The following HDAC9 variants were observed in gnomAD, a reference collection of about 807,000 sequenced individuals.
HDAC9 encodes the protein MEF-2 interacting transcription repressor (MITR) protein.
In HDAC9, 41 loss-of-function variants were observed where a neutral mutation model predicts 139.4. That is an observed-to-expected ratio of 0.29 (90% confidence interval 0.23 to 0.38). The LOEUF (loss-of-function observed/expected upper bound fraction) is 0.38. HDAC9 is among the 10% of genes least tolerant of loss of function. The probability of loss-of-function intolerance (pLI) is 1.00; values close to 1 mark genes in which losing one functional copy is unlikely to be tolerated. For missense variants in HDAC9, 1,147 were observed against 1,297.0 expected, an observed-to-expected ratio of 0.88 and a Z score of 1.78; for synonymous variants, 517 against 476.2, an observed-to-expected ratio of 1.09 and a Z score of -1.12.
At chr7:18,490,323 T>C (rs1796270965) in intron 1 of HDAC9, among the ~76,000 whole-genome samples, 1 of 152,020 alleles carries the variant, frequency 6.6e-6, no homozygotes, top group Admixed American at 6.6e-5. Context: ...GTGATTTTGA[T>C]CCTCTGTAAT....
chr7:18,298,738 T>C (rs538019448), intron 1 of HDAC9, among the ~76,000 whole-genome samples: 2 of 152,322 alleles, frequency 1.3e-5, no homozygotes, highest in Non-Finnish European at 2.9e-5. Flanking sequence ...TGTTGCTACA[T>C]AGGACACTCT....
chr7:18,973,602 A>G (rs1309710188), intron 24 of HDAC9, among the ~76,000 whole-genome samples: 1 of 152,152 alleles, frequency 6.6e-6, no homozygotes, highest in Non-Finnish European at 1.5e-5. Context: ...AGTAAGATAA[A>G]GAAAGGCCAA....
intron 1 of HDAC9, among the ~76,000 whole-genome samples, chr7:18,119,626 A>G (rs1784235082): frequency 6.6e-6 from 1 of 152,202 alleles, no homozygotes; most frequent in Non-Finnish European, 1.5e-5. Flanking sequence ...ATGGGAAAAC[A>G]CACTTGGATA....
chr7:18,528,974 G>A (rs559899150), intron 2 of HDAC9, among the ~76,000 whole-genome samples: 14 of 152,072 alleles, frequency 9.2e-5, no homozygotes, highest in Non-Finnish European at 1.3e-4. Context: ...TGGGGTATTT[G>A]TATTACATTT....
At position 18,776,544 on chromosome 7, in the gene HDAC9, G is replaced by A. The variant is rs147862031; in HGVS notation, c.2214+9389G>A. Among the ~76,000 whole-genome samples the A allele has an allele frequency of 4.2e-3, 646 of 152,188 alleles. 3 individuals are homozygous for A. The highest frequency in any genetic ancestry group is 0.014 in the Middle Eastern group (4 of 294). On this transcript the variant is annotated intron_variant, in intron 16 of 25. Transcript: ENST00000686413. ...TTATCCTACTGGAACTTATATTCCA[G>A]TTGAGGAGACAAATAAGCAAGAATG...
At chr7:18,673,821 T>G (rs1212663181) in intron 12 of HDAC9, among the ~76,000 whole-genome samples, 1 of 152,036 alleles carries the variant, frequency 6.6e-6, no homozygotes, top group Non-Finnish European at 1.5e-5. Context: ...GCATAAAATG[T>G]TAGTGTTAGC....
chr7:18,102,015 A>G (rs959471715), intron 1 of HDAC9, among the ~76,000 whole-genome samples: 3 of 152,164 alleles, frequency 2.0e-5, no homozygotes, highest in Non-Finnish European at 2.9e-5. Flanking sequence ...TAGTTCATGG[A>G]TAGGCCTTGA....
chr7:18,749,221 A>C, intron 14 of HDAC9, 83 bp downstream of exon 14: 2 of 1,399,740 alleles, frequency 1.4e-6, no homozygotes, highest in Non-Finnish European at 2.0e-6. Context: ...AGTAATAGAA[A>C]AATATTAACC....
chr7:18,291,377 A>C (rs1239879198), intron 1 of HDAC9, among the ~76,000 whole-genome samples: 1 of 152,098 alleles, frequency 6.6e-6, no homozygotes, highest in African/African-American at 2.4e-5. Context: ...AGTATCCTTA[A>C]GAAAATTTCT....
chr7:18,679,401 A>G (rs757594962), intron 12 of HDAC9, among the ~76,000 whole-genome samples: 8 of 151,974 alleles, frequency 5.3e-5, no homozygotes, highest in Non-Finnish European at 1.2e-4. Flanking sequence ...TGTGAAAACA[A>G]TAATACAATC....
chr7:18,458,247 TTGAAA>T (rs1315101163), intron 1 of HDAC9, among the ~76,000 whole-genome samples: 2 of 152,128 alleles, frequency 1.3e-5, no homozygotes, highest in African/African-American at 4.8e-5. Flanking sequence ...AAAGAATGTA[TTGAAA>T]TGAAAACCTG....
chr7:18,264,355 A>T (rs556333579), intron 2 of HDAC9, among the ~76,000 whole-genome samples: 6 of 152,126 alleles, frequency 3.9e-5, no homozygotes, highest in South Asian at 2.1e-4. Flanking sequence ...ATTAGAAATT[A>T]AAAAAAATAA....
chr7:18,137,773 GGTTGT>G (rs1785542105), intron 1 of HDAC9, among the ~76,000 whole-genome samples: 1 of 151,876 alleles, frequency 6.6e-6, no homozygotes, highest in South Asian at 2.1e-4. Flanking sequence ...TCTCTTTTTT[GGTTGT>G]GTCTCTGCCC....
At chr7:18,277,468 A>G (rs977498544) in intron 2 of HDAC9, among the ~76,000 whole-genome samples, 1 of 152,216 alleles carries the variant, frequency 6.6e-6, no homozygotes, top group Admixed American at 6.5e-5. Context: ...TACCTGGAGT[A>G]GTAGGTGTGC....
intron 1 of HDAC9, among the ~76,000 whole-genome samples, chr7:18,344,363 T>C (rs1307073001): frequency 6.6e-6 from 1 of 151,942 alleles, no homozygotes; most frequent in Non-Finnish European, 1.5e-5. Context: ...AAGGTATTAT[T>C]ATCCTCATTT....
intron 1 of HDAC9, among the ~76,000 whole-genome samples, chr7:18,466,528 A>T (rs1484663589): frequency 1.3e-5 from 2 of 152,098 alleles, no homozygotes; most frequent in Non-Finnish European, 2.9e-5. Context: ...AAAGCCAGTA[A>T]TATTGGGTAG....
intron 11 of HDAC9, among the ~76,000 whole-genome samples, chr7:18,658,908 A>G (rs1013812923): frequency 1.1e-4 from 16 of 151,514 alleles, no homozygotes; most frequent in Admixed American, 7.9e-4. Flanking sequence ...GCAAAAAAAA[A>G]AAAAACAAAA....
intron 1 of HDAC9, among the ~76,000 whole-genome samples, chr7:18,092,611 T>C (rs1260780536): frequency 1.3e-5 from 2 of 152,098 alleles, no homozygotes; most frequent in East Asian, 3.9e-4. Context: ...GGTCCCATTG[T>C]CCATTGCCAA....
chr7:18,233,410 A>G (rs10257161), intron 2 of HDAC9, among the ~76,000 whole-genome samples: 3,606 of 141,858 alleles, frequency 0.025, 113 homozygotes, highest in African/African-American at 0.071. Flanking sequence ...ATGAGACCCC[A>G]AGAGGAATGA....
Sources: gnomAD v4.1 joint callset for allele counts (sites outside exome capture counted in the v4.1 genomes callset) on GRCh38, gnomAD v4.1.1 for gene constraint, MANE v1.5 for transcripts, NCBI Gene and HGNC (gene_info 2026-07-23, HGNC 2026-07-21) for gene names.